The following ROBO2 variants were observed in gnomAD, a reference collection of about 807,000 sequenced individuals.
ROBO2 encodes the protein roundabout guidance receptor 2, also known as roundabout homolog 2.
A neutral mutation model predicts 160.8 loss-of-function variants in ROBO2; 53 were observed. The observed-to-expected ratio is 0.33, with a 90% CI of 0.26 to 0.41. ROBO2 has a LOEUF of 0.41. ROBO2 is among the 10% of genes least tolerant of loss of function. ROBO2 has a pLI of 1.00. For missense variants in ROBO2, 1,577 were observed against 1,722.4 expected, an observed-to-expected ratio of 0.92 and a Z score of 1.49; for synonymous variants, 664 against 611.7, an observed-to-expected ratio of 1.09 and a Z score of -1.26.
chr3:76,442,312 C>T (rs2076959622), intron 2 of ROBO2, among the ~76,000 whole-genome samples: 1 of 152,154 alleles, frequency 6.6e-6, no homozygotes, highest in South Asian at 2.1e-4. Context: ...CTAATTTAAT[C>T]CTAATTTAAT....
At chr3:77,452,833 A>C (rs962534027) in intron 2 of ROBO2, among the ~76,000 whole-genome samples, 2 of 152,314 alleles carry the variant, frequency 1.3e-5, no homozygotes, top group South Asian at 4.1e-4. Flanking sequence ...TCCCAGTTGC[A>C]GAAACAGGTT....
chr3:76,538,926 A>G (rs1309358026), intron 2 of ROBO2, among the ~76,000 whole-genome samples: 4 of 152,210 alleles, frequency 2.6e-5, no homozygotes, highest in South Asian at 2.1e-4. Context: ...TTACAACAGC[A>G]AAGACTTGGA....
In ROBO2 at chr3:76,850,405, C is replaced by T. The variant is rs572818255; in HGVS notation, c.110-247609C>T. 5.9e-5 allele frequency among the ~76,000 whole-genome samples: 9 copies of T among 152,212 alleles called. No homozygotes were observed. In the South Asian group the frequency reaches 1.5e-3, roughly 25 times the overall value. On this transcript the variant is annotated intron_variant, in intron 2 of 26. Transcript: ENST00000487694. ...CCATCAGTATCCCGTGACCTTACCT[C>T]GTCTTTGGCCTCTGCTGACTTTCTT...
At chr3:76,381,091 TA>T (rs146433247) in intron 2 of ROBO2, among the ~76,000 whole-genome samples, 2 of 151,138 alleles carry the variant, frequency 1.3e-5, no homozygotes, top group African/African-American at 2.4e-5. Context: ...TGAAAGGATT[TA>T]AAAAAACAGA....
At chr3:77,622,195 CT>C (rs761559214) in intron 22 of ROBO2, 31 bp from the exon 24 acceptor site, 98 of 1,598,008 alleles carry the variant, frequency 6.1e-5, no homozygotes, top group Non-Finnish European at 7.9e-5. Context: ...TAATAAGTTG[CT>C]TTTCTTTTTT....
chr3:76,268,424 T>A (rs549693685), intron 2 of ROBO2, among the ~76,000 whole-genome samples: 1 of 152,342 alleles, frequency 6.6e-6, no homozygotes, highest in South Asian at 2.1e-4. Flanking sequence ...TTCTCGCATT[T>A]CTGGAGAATG....
At chr3:76,463,695 C>T (rs527252714) in intron 2 of ROBO2, among the ~76,000 whole-genome samples, 152 of 152,222 alleles carry the variant, frequency 1.0e-3, no homozygotes, top group African/African-American at 3.3e-3. Flanking sequence ...CACACTCCTC[C>T]GCGCATCCAT....
rs545778015 is a variant in ROBO2, at chr3:76,319,429, A to G, written c.109+381827A>G. 2.6e-5 allele frequency among the ~76,000 whole-genome samples: 4 copies of G among 151,496 alleles called. 1 individual carries two copies. Among genetic ancestry groups the G allele is most frequent in the South Asian group, 2.1e-4 (1 of 4,824 alleles). On this transcript the variant is annotated intron_variant, in intron 2 of 26. Transcript: ENST00000487694. ...ACCCTCCATAAACTTATAATTTATAATTCTTAAGCCTTTTTTTTCTTTCTT... is the reference window on the plus strand; with the variant it reads ...ACCCTCCATAAACTTATAATTTATAGTTCTTAAGCCTTTTTTTTCTTTCTT...
chr3:76,838,974 C>A (rs774797775), intron 2 of ROBO2, among the ~76,000 whole-genome samples: 8 of 152,094 alleles, frequency 5.3e-5, no homozygotes, highest in Non-Finnish European at 1.2e-4. Context: ...AACCACTGAA[C>A]TGAAGTCATT....
At chr3:77,001,392 AAC>A (rs1255562749) in intron 2 of ROBO2, among the ~76,000 whole-genome samples, 3 of 152,176 alleles carry the variant, frequency 2.0e-5, no homozygotes, top group Non-Finnish European at 4.4e-5. Flanking sequence ...AACAGACTGA[AAC>A]ACAATTTCAT....
chr3:77,572,636 AACACACACACAC>A (rs71104692), intron 13 of ROBO2, among the ~76,000 whole-genome samples: 1 of 146,296 alleles, frequency 6.8e-6, no homozygotes, highest in Non-Finnish European at 1.5e-5. Flanking sequence ...CGTACATAGA[AACACACACACAC>A]ACACACACAC....
chr3:77,351,658 G>C (rs558815822), intron 2 of ROBO2, among the ~76,000 whole-genome samples: 1 of 152,066 alleles, frequency 6.6e-6, no homozygotes. Flanking sequence ...CATCAAGAAG[G>C]TCTCATTTAT....
chr3:76,630,721 G>A (rs1158597555), intron 2 of ROBO2, among the ~76,000 whole-genome samples: 1 of 152,200 alleles, frequency 6.6e-6, no homozygotes, highest in Non-Finnish European at 1.5e-5. Context: ...TGTTAAAAAT[G>A]ACTCCAGGTG....
chr3:76,867,820 A>C (rs1309927882), intron 2 of ROBO2, among the ~76,000 whole-genome samples: 3 of 152,208 alleles, frequency 2.0e-5, no homozygotes, highest in African/African-American at 7.2e-5. Context: ...AGTGCTTTCA[A>C]TAAGAGAGAA....
chr3:76,197,489 T>C (rs746924255), intron 2 of ROBO2, among the ~76,000 whole-genome samples: 28 of 152,296 alleles, frequency 1.8e-4, no homozygotes, highest in Non-Finnish European at 3.8e-4. Context: ...TAGATTTGGA[T>C]CTGGGACTAC....
intron 2 of ROBO2, among the ~76,000 whole-genome samples, chr3:76,573,514 T>C (rs1186723815): frequency 6.6e-6 from 1 of 150,972 alleles, no homozygotes. Flanking sequence ...GTGGAAAAAA[T>C]AGTTTTCAAT....
At chr3:76,460,214 A>G (rs933836713) in intron 2 of ROBO2, among the ~76,000 whole-genome samples, 1 of 152,106 alleles carries the variant, frequency 6.6e-6, no homozygotes, top group East Asian at 1.9e-4. Flanking sequence ...CCAAGATTTA[A>G]CTTACCAAAA....
chr3:76,147,067 A>G (rs945088165), intron 2 of ROBO2, among the ~76,000 whole-genome samples: 1 of 151,486 alleles, frequency 6.6e-6, no homozygotes, highest in African/African-American at 2.4e-5. Flanking sequence ...AACCCCAATG[A>G]CATAAGTTTA....
chr3:77,344,120 G>A (rs1234197119), intron 2 of ROBO2, among the ~76,000 whole-genome samples: 6 of 152,080 alleles, frequency 3.9e-5, no homozygotes, highest in African/African-American at 7.2e-5. Flanking sequence ...ATGGGCTACC[G>A]TGAGCCTCCT....
Sources: gnomAD v4.1 joint callset for allele counts (sites outside exome capture counted in the v4.1 genomes callset) on GRCh38, gnomAD v4.1.1 for gene constraint, MANE v1.5 for transcripts, NCBI Gene and HGNC (gene_info 2026-07-23, HGNC 2026-07-21) for gene names.